MTMR9: variants seen among roughly 807,000 people sequenced by gnomAD.
MTMR9 encodes myotubularin-related protein 9.
A neutral mutation model predicts 69.5 loss-of-function variants in MTMR9; 39 were observed. The observed-to-expected ratio is 0.56, with a 90% CI of 0.43 to 0.73. The LOEUF is 0.73. Among genes scored for constraint, MTMR9 ranks in the 30% least tolerant of loss-of-function variants. The pLI, the probability that MTMR9 is intolerant of heterozygous loss-of-function variation, is 0.00. For synonymous variants in MTMR9, 354 were observed against 240.8 expected (o/e 1.47, Z -4.35); for missense variants, 900 against 671.2 (o/e 1.34, Z -3.77).
At chr8:11,309,487 T>A (rs769515947) in intron 5 of MTMR9, 40 bp from the exon 6 acceptor site, 4 of 1,550,708 alleles carry the variant, frequency 2.6e-6, no homozygotes, top group Non-Finnish European at 3.5e-6. Context: ...ATCTTTCTAT[T>A]TTCTGGGTTT....
rs193111390 is a variant in MTMR9, at chr8:11,308,350, G to C, written c.810-1177G>C. Among the ~76,000 whole-genome samples the C allele has an allele frequency of 2.4e-4, 36 of 152,218 alleles. No individual in the cohort carries two copies. In the East Asian group the frequency reaches 5.8e-3, roughly 25 times the overall value. On this transcript the variant is annotated intron_variant, in intron 5 of 9. Coordinates refer to ENST00000221086, the MANE Select transcript of MTMR9 (RefSeq NM_015458.4). Reference sequence around the variant, plus strand: ...TTTCAAACATCAATTTACCATAAATGCATGGATTTATTTCTGGGTTTTATT... The same window carrying C: ...TTTCAAACATCAATTTACCATAAATCCATGGATTTATTTCTGGGTTTTATT...
downstream of MTMR9, among the ~76,000 whole-genome samples, chr8:11,332,461 A>G (rs184252156): frequency 9.9e-5 from 15 of 152,272 alleles, no homozygotes; most frequent in Non-Finnish European, 1.8e-4. Context: ...CAGAGAAATG[A>G]TGTTTGAACA....
chr8:11,286,666 C>CAAA (rs869105936), intron 1 of MTMR9, among the ~76,000 whole-genome samples: 10 of 71,638 alleles, frequency 1.4e-4, no homozygotes, highest in African/African-American at 5.3e-4. Flanking sequence ...AACTCCATCT[C>CAAA]AAAAAAAAAA....
intron 3 of MTMR9, among the ~76,000 whole-genome samples, chr8:11,301,085 A>G (rs879735551): frequency 6.6e-6 from 1 of 152,218 alleles, no homozygotes; most frequent in Non-Finnish European, 1.5e-5. Flanking sequence ...TTGGCTCATT[A>G]AAGTGGCAGT....
rs1177196473 is a variant in MTMR9 at position 11,325,106 on chromosome 8, T to C, written c.*2318T>C. 1 of 152,248 alleles carries C rather than the reference T, an allele frequency of 6.6e-6. No individual in the cohort carries two copies. The highest frequency in any genetic ancestry group is 2.4e-5 in the African/African-American group (1 of 41,454). 9.4% of individuals were successfully genotyped at this position (152,248 alleles called of 1,614,324 possible). A position where few individuals can be genotyped will look rare whatever the true frequency, so the allele number is the denominator to read the frequency against. On this transcript the variant is annotated 3_prime_UTR_variant, in exon 10 of 10. Transcript: ENST00000221086. The stretch of plus-strand genomic sequence containing the variant: ...TCTATACTGTTTTGGCAAGTTTGCA[T>C]TTTAGTATTAATTTATAATTAGGGA...
chr8:11,330,795 C>A, downstream of MTMR9: 1 of 460,264 alleles, frequency 2.2e-6, no homozygotes, highest in South Asian at 3.0e-5. Flanking sequence ...GCCGCAGGGT[C>A]CTCTGCCTAG....
At position 11,306,414 on chromosome 8, in the gene MTMR9, G is replaced by T; in HGVS notation, c.809+7G>T. On this transcript the variant is annotated splice_region_variant and intron_variant, in intron 5 of 9. Coordinates refer to ENST00000221086, the MANE Select transcript of MTMR9 (RefSeq NM_015458.4). The stretch of plus-strand genomic sequence containing the variant: ...TTCATAAGTCCATTGAGAGGTAAAA[G>T]ATTCCAAAGATAGTACAGACTCTTA... 1 of 1,612,714 alleles carries T rather than the reference G, an allele frequency of 6.2e-7. No homozygotes were observed. The highest frequency in any genetic ancestry group is 8.5e-7 in the Non-Finnish European group (1 of 1,178,842).
Position 11,306,258 on chromosome 8 carries a change from G to C in MTMR9, c.660G>C (p.Leu220=), listed in dbSNP as rs767386323. 1.2e-6 allele frequency: 2 copies of C among 1,613,994 alleles called. No homozygotes were observed. Among genetic ancestry groups the C allele is most frequent in the South Asian group, 2.2e-5 (2 of 91,070 alleles). Residue 220 remains leucine (L), a synonymous_variant, in exon 5 of 10, where the codon CTG becomes CTC. Transcript: ENST00000221086. ...GGAGGTGCAAGGAGGACGAGAAGCT[G>C]ATAAATGCTACCCTCAGGGCTGGAA... is the stretch of plus-strand genomic sequence containing the variant. The part of the protein sequence containing the change: ...NGRRCKEDEK[L]INATLRAGKR...
At chr8:11,300,347 C>A (rs1799707054) in intron 3 of MTMR9, 199 bp downstream of exon 3, 2 of 428,820 alleles carry the variant, frequency 4.7e-6, no homozygotes, top group Non-Finnish European at 8.2e-6. Flanking sequence ...ATCAGTAATA[C>A]TAAGATATCT....
downstream of MTMR9, chr8:11,331,700 G>T: frequency 6.2e-7 from 1 of 1,611,972 alleles, no homozygotes; most frequent in Non-Finnish European, 8.5e-7. Context: ...AGGCTTTCCT[G>T]GGAGGCCTGG....
At chr8:11,290,771 T>C (rs1469194848) in intron 1 of MTMR9, among the ~76,000 whole-genome samples, 2 of 152,126 alleles carry the variant, frequency 1.3e-5, no homozygotes, top group African/African-American at 4.8e-5. Context: ...CATTGGTTCA[T>C]TAATCTGCTC....
intron 4 of MTMR9, 106 bp downstream of exon 4, chr8:11,305,120 C>T: frequency 9.1e-7 from 1 of 1,094,784 alleles, no homozygotes; most frequent in Admixed American, 2.5e-5. Context: ...AATGATTGTC[C>T]AGGTCTCCAC....
chr8:11,326,129 C>A lies in MTMR9; in HGVS notation c.*3341C>A, dbSNP rs534168171. ...AGATATGACCATAATTTAGTCTCCT[C>A]AAGTGAAAAACAGGAGTAATGTTTC... On this transcript the variant is annotated 3_prime_UTR_variant, in exon 10 of 10. Transcript: ENST00000221086. 4 of 152,302 alleles carry A rather than the reference C, an allele frequency of 2.6e-5. No homozygotes were observed. Among genetic ancestry groups the A allele is most frequent in the African/African-American group, 7.2e-5 (3 of 41,554 alleles). 9.4% of individuals were successfully genotyped at this position (152,302 alleles called of 1,614,324 possible).
intron 7 of MTMR9, chr8:11,316,453 G>A (rs573947876): frequency 6.7e-4 from 259 of 383,864 alleles, no homozygotes; most frequent in Middle Eastern, 6.0e-3. Context: ...CACCTTAGCC[G>A]CGCAGCCTCA....
chr8:11,327,059 A>G lies in MTMR9; in HGVS notation c.*4271A>G, dbSNP rs1017623349. 1 of 151,802 alleles carries G rather than the reference A, an allele frequency of 6.6e-6. No homozygotes were observed. Among genetic ancestry groups the G allele is most frequent in the Non-Finnish European group, 1.5e-5 (1 of 67,974 alleles). The allele number at this position is 151,802 out of a possible 1,614,324, so 9.4% of individuals were successfully genotyped here. A position where few individuals can be genotyped will look rare whatever the true frequency, so the allele number is the denominator to read the frequency against. On this transcript the variant is annotated 3_prime_UTR_variant, in exon 10 of 10. Transcript: ENST00000221086. ...ACTGATACTATAACTTTCTTATGGT[A>G]TCAGTTTTCTTTATTTTCTTGAATA...
chr8:11,287,785 ATTATATATAATACATAT>A (rs1313298632), intron 1 of MTMR9, among the ~76,000 whole-genome samples: 6 of 116,532 alleles, frequency 5.1e-5, no homozygotes, highest in African/African-American at 2.0e-4. Flanking sequence ...TTTATTATAT[ATTATATATAATACATAT>A]TATATAATAC....
chr8:11,329,766 T>C (rs1007155910), downstream of MTMR9, among the ~76,000 whole-genome samples: 7 of 151,128 alleles, frequency 4.6e-5, no homozygotes, highest in African/African-American at 9.7e-5. Context: ...CGTCTCCGCC[T>C]GGCCACCCAT....
chr8:11,315,028 T>C lies in MTMR9; in HGVS notation c.1077T>C (p.Arg359=). ...IILEPRSRTI[R]GFEALIEREW... is the part of the protein sequence containing the mutation. Reference sequence around the variant, plus strand: ...TAGAGCCAAGAAGCAGGACCATTCGTGGTTTTGAGGCCCTGATTGAAAGAG... The same window carrying C: ...TAGAGCCAAGAAGCAGGACCATTCGCGGTTTTGAGGCCCTGATTGAAAGAG... Residue 359 remains arginine (R), a synonymous_variant, in exon 7 of 10, where the codon CGT becomes CGC. Transcript: ENST00000221086. 1 of 1,613,896 alleles carries C rather than the reference T, an allele frequency of 6.2e-7. No homozygotes were observed. Among genetic ancestry groups the C allele is most frequent in the Non-Finnish European group, 8.5e-7 (1 of 1,179,836 alleles).
downstream of MTMR9, chr8:11,332,192 A>G (rs1489730626): frequency 4.6e-6 from 7 of 1,536,308 alleles, no homozygotes; most frequent in Non-Finnish European, 5.2e-6. Flanking sequence ...AAGACAAAAA[A>G]AAAATAAAAG....
Sources: gnomAD v4.1 joint callset for allele counts (sites outside exome capture counted in the v4.1 genomes callset) on GRCh38, gnomAD v4.1.1 for gene constraint, MANE v1.5 for transcripts, NCBI Gene and HGNC (gene_info 2026-07-23, HGNC 2026-07-21) for gene names.